DPYS: variants seen among roughly 807,000 people sequenced by gnomAD.
DPYS encodes the protein dihydropyrimidinase.
DPYS carries 39 observed loss-of-function variants against 50.3 expected under a neutral mutation model. The observed-to-expected ratio is 0.78, with a 90% confidence interval of 0.60 to 1.01. The LOEUF is 1.01. Ranked by LOEUF, DPYS falls within the 50% of genes least tolerant of loss-of-function variation. The pLI, the probability that DPYS is intolerant of heterozygous loss-of-function variation, is 0.00. For synonymous variants in DPYS, 245 were observed against 250.7 expected, an observed-to-expected ratio of 0.98 and a Z score of 0.22; for missense variants, 659 against 680.9, an observed-to-expected ratio of 0.97 and a Z score of 0.36.
rs143712878 is a variant in DPYS at position 104,455,431 on chromosome 8, G to A, written c.265-4027C>T. Among the ~76,000 whole-genome samples the A allele has an allele frequency of 2.8e-3, 420 of 152,350 alleles. 2 individuals carry two copies. The highest frequency in any genetic ancestry group is 4.4e-3 in the Non-Finnish European group (300 of 68,030). ...TGTTTTCAGTTGCGAAGGGAGTCAG[G>A]TGAGCTGATTTGACTAGGATGAGTG... On this transcript the variant is annotated intron_variant, in intron 1 of 9. Transcript: ENST00000351513.
intron 9 of DPYS, among the ~76,000 whole-genome samples, chr8:104,380,092 G>T (rs1810982242): frequency 6.6e-6 from 1 of 151,996 alleles, no homozygotes; most frequent in African/African-American, 2.4e-5. Context: ...AAAATGTTGA[G>T]ACTTTGGGCT....
Position 104,452,221 on chromosome 8 carries a change from CTG to C in DPYS, c.265-819_265-818del, listed in dbSNP as rs1167535740. On this transcript the variant is annotated intron_variant, in intron 1 of 9. Coordinates refer to ENST00000351513, the MANE Select transcript of DPYS (RefSeq NM_001385.3). ...CATTACATCACTACTAATTTAAAAACTGTTACTAAATCACATGCCTTTGACTA... is the reference window on the plus strand; with the variant it reads ...CATTACATCACTACTAATTTAAAAACTTACTAAATCACATGCCTTTGACTA... 7.2e-5 allele frequency among the ~76,000 whole-genome samples: 11 copies of C among 152,326 alleles called. No individual in the cohort carries two copies. The South Asian group carries it at 1.2e-3, about 17-fold the overall frequency.
chr8:104,403,618 C>CA (rs1554692021), intron 7 of DPYS, among the ~76,000 whole-genome samples: 1 of 151,972 alleles, frequency 6.6e-6, no homozygotes, highest in Non-Finnish European at 1.5e-5. Context: ...AAACTTAACT[C>CA]TTTTTTTTGA....
chr8:104,467,048 G>T lies in DPYS; in HGVS notation c.-128C>A. On this transcript the variant is annotated 5_prime_UTR_variant, in exon 1 of 10. Coordinates refer to ENST00000351513, the MANE Select transcript of DPYS (RefSeq NM_001385.3). ...CAGCCCCCGAGCTCTGCCTCAGGCT[G>T]CAAATCCGGAGCCCGGCGGCCTGAC... 1 of 1,192,380 alleles carries T rather than the reference G, an allele frequency of 8.4e-7. No homozygotes were observed. Among genetic ancestry groups the T allele is most frequent in the Non-Finnish European group, 1.1e-6 (1 of 915,852 alleles). The allele number at this position is 1,192,380 out of a possible 1,614,324, so 73.9% of individuals were successfully genotyped here. A position where few individuals can be genotyped will look rare whatever the true frequency, so the allele number is the denominator to read the frequency against.
At chr8:104,418,900 T>G (rs1191502355) in intron 7 of DPYS, 1 of 460,404 alleles carries the variant, frequency 2.2e-6, no homozygotes, top group Non-Finnish European at 2.9e-6. Flanking sequence ...AAAGGCAGGG[T>G]GTGGCTGTTG....
Position 104,431,192 on chromosome 8 carries a change from A to G in DPYS, c.794-1491T>C, listed in dbSNP as rs570253724. On this transcript the variant is annotated intron_variant, in intron 4 of 9. Transcript: ENST00000351513. ...AGGAAAGATCCTTATCACATGTTCT[A>G]TTCAATCACTTGGCCCATCAAGGTG... is the stretch of plus-strand genomic sequence containing the variant. 9.2e-5 allele frequency among the ~76,000 whole-genome samples: 14 copies of G among 152,226 alleles called. No individual in the cohort carries two copies. The South Asian group carries it at 2.9e-3, about 32-fold the overall frequency.
chr8:104,381,852 T>TCA (rs59581374), intron 8 of DPYS, among the ~76,000 whole-genome samples: 2,770 of 123,922 alleles, frequency 0.022, 57 homozygotes, highest in African/African-American at 0.05. Context: ...AGTTTTGAAA[T>TCA]CACACACACA....
At chr8:104,455,180 G>T (rs1813882419) in intron 1 of DPYS, among the ~76,000 whole-genome samples, 1 of 152,142 alleles carries the variant, frequency 6.6e-6, no homozygotes, top group Non-Finnish European at 1.5e-5. Context: ...CAATAACTTG[G>T]CCAAAGTCTC....
chr8:104,386,021 G>T (rs761095994), intron 8 of DPYS, among the ~76,000 whole-genome samples: 26 of 152,172 alleles, frequency 1.7e-4, no homozygotes, highest in Non-Finnish European at 2.4e-4. Flanking sequence ...GCAGGACATC[G>T]GTGGTTTACT....
chr8:104,404,047 A>G (rs186059732), intron 7 of DPYS, among the ~76,000 whole-genome samples: 1 of 152,364 alleles, frequency 6.6e-6, no homozygotes, highest in Admixed American at 6.5e-5. Flanking sequence ...TATAATAGGC[A>G]TAACAAATAT....
intron 3 of DPYS, among the ~76,000 whole-genome samples, chr8:104,446,950 G>A (rs546306330): frequency 2.1e-4 from 32 of 152,174 alleles, no homozygotes; most frequent in Non-Finnish European, 3.8e-4. Flanking sequence ...TGTTGACCAC[G>A]CTTTGGTATT....
chr8:104,456,695 T>C (rs1257967086), intron 1 of DPYS, among the ~76,000 whole-genome samples: 1 of 152,256 alleles, frequency 6.6e-6, no homozygotes, highest in African/African-American at 2.4e-5. Flanking sequence ...TCCATTTTTA[T>C]TTGTCAGTTA....
intron 8 of DPYS, 160 bp from the exon 9 acceptor site, chr8:104,381,474 C>T (rs532567230): frequency 6.0e-6 from 4 of 667,628 alleles, no homozygotes; most frequent in South Asian, 5.0e-5. Context: ...TTCCTGGCAA[C>T]CTTGAGAATC....
intron 7 of DPYS, chr8:104,421,275 A>G (rs1812531374): frequency 6.6e-6 from 1 of 152,242 alleles, no homozygotes; most frequent in African/African-American, 2.4e-5. Context: ...TTATTGTGAT[A>G]AATATATTTG....
At chr8:104,428,631 T>C (rs950699983) in intron 5 of DPYS, among the ~76,000 whole-genome samples, 4 of 152,158 alleles carry the variant, frequency 2.6e-5, no homozygotes, top group Admixed American at 6.5e-5. Context: ...TGGCTGGCGA[T>C]GCTGATATTA....
Position 104,440,062 on chromosome 8 carries a change from A to G in DPYS, c.793+4186T>C, listed in dbSNP as rs183746029. 2.4e-4 allele frequency among the ~76,000 whole-genome samples: 37 copies of G among 152,304 alleles called. No homozygotes were observed. The East Asian group carries it at 7.1e-3, about 29-fold the overall frequency. On this transcript the variant is annotated intron_variant, in intron 4 of 9. Coordinates refer to ENST00000351513, the MANE Select transcript of DPYS (RefSeq NM_001385.3). ...TATTATGACAATTTTTTAAAAGACA[A>G]TGTGTATTAAAACACATTGATAAGA...
chr8:104,433,193 A>C (rs1305394688), intron 4 of DPYS, among the ~76,000 whole-genome samples: 1 of 151,584 alleles, frequency 6.6e-6, no homozygotes, highest in Non-Finnish European at 1.5e-5. Flanking sequence ...GGACTTAAAA[A>C]CTCCAGAACT....
At chr8:104,424,683 T>A (rs1351078836) in intron 6 of DPYS, among the ~76,000 whole-genome samples, 1 of 152,198 alleles carries the variant, frequency 6.6e-6, no homozygotes, top group Non-Finnish European at 1.5e-5. Flanking sequence ...ACAGCTAAAT[T>A]TTGGTAATGG....
chr8:104,451,056 A>G (rs1813719007), intron 2 of DPYS, among the ~76,000 whole-genome samples, 190 bp downstream of exon 2: 1 of 152,170 alleles, frequency 6.6e-6, no homozygotes, highest in African/African-American at 2.4e-5. Context: ...TTTTTAATTT[A>G]GTTTTTAAAA....
Sources: gnomAD v4.1 joint callset for allele counts (sites outside exome capture counted in the v4.1 genomes callset) on GRCh38, gnomAD v4.1.1 for gene constraint, MANE v1.5 for transcripts, NCBI Gene and HGNC (gene_info 2026-07-23, HGNC 2026-07-21) for gene names.